SCGB2A1: variants seen among roughly 807,000 people sequenced by gnomAD.
SCGB2A1 encodes secretoglobin family 2A member 1, also known as mammaglobin-B.
In SCGB2A1, 6 loss-of-function variants were observed where a neutral mutation model predicts 9.2. That is an observed-to-expected ratio of 0.66 (90% CI 0.36 to 1.29). The LOEUF is 1.29. SCGB2A1 is among the 50% of genes most tolerant of loss of function. The probability of loss-of-function intolerance (pLI) is 0.03; values close to 1 mark genes in which losing one functional copy is unlikely to be tolerated. For synonymous variants in SCGB2A1, 37 were observed against 41.0 expected, an observed-to-expected ratio of 0.90 and a Z score of 0.37; for missense variants, 138 against 116.9, an observed-to-expected ratio of 1.18 and a Z score of -0.83.
intron 2 of SCGB2A1, among the ~76,000 whole-genome samples, chr11:62,213,106 A>ATATATATTTTTTTTTTTTTT (rs67975205): frequency 8.6e-6 from 1 of 116,252 alleles, no homozygotes; most frequent in African/African-American, 3.4e-5. Context: ...ATATATATAT[A>ATATATATTTTTTTTTTTTTT]TTTTTTTTTT....
chr11:62,210,278 C>A, intron 1 of SCGB2A1, 135 bp from the exon 2 acceptor site: 1 of 1,119,534 alleles, frequency 8.9e-7, no homozygotes, highest in Non-Finnish European at 1.2e-6. Context: ...CATACTGCAC[C>A]AAAATCTTTC....
intron 1 of SCGB2A1, among the ~76,000 whole-genome samples, chr11:62,209,026 C>T (rs556713537): frequency 2.0e-5 from 3 of 152,206 alleles, no homozygotes; most frequent in African/African-American, 7.2e-5. Context: ...ACCATGGTCA[C>T]GGTGACCATA....
chr11:62,209,955 G>A lies in SCGB2A1; in HGVS notation c.56-458G>A, dbSNP rs1301524741. Among the ~76,000 whole-genome samples, 8 of 152,094 alleles carry A rather than the reference G, an allele frequency of 5.3e-5. No individual in the cohort carries two copies. The East Asian group carries it at 1.2e-3, about 22-fold the overall frequency. On this transcript the variant is annotated intron_variant, in intron 1 of 2. Transcript: ENST00000244930. The stretch of plus-strand genomic sequence containing the variant: ...CTCCCTAAGTGCTGGGATTACAGGC[G>A]TGAGCCACCATACCTGGCCACACAT...
chr11:62,208,819 C>G, intron 1 of SCGB2A1, 33 bp downstream of exon 1: 1 of 1,606,196 alleles, frequency 6.2e-7, no homozygotes, highest in East Asian at 2.2e-5. Context: ...TGCTTCTGGG[C>G]TAGGAATTGT....
chr11:62,210,328 C>G, intron 1 of SCGB2A1, 85 bp from the exon 2 acceptor site: 1 of 1,486,386 alleles, frequency 6.7e-7, no homozygotes, highest in Non-Finnish European at 8.9e-7. Context: ...AGATAGCCAG[C>G]TTCCCAATTC....
chr11:62,213,828 G>A lies in SCGB2A1; in HGVS notation c.*58G>A. ...AGACTATGGCCAGAACTCATCTGTT[G>A]ATTGCTAGAAACCACTTTTCTTTCT... On this transcript the variant is annotated 3_prime_UTR_variant, in exon 3 of 3. Transcript: ENST00000244930. 6.9e-7 allele frequency: 1 copy of A among 1,450,036 alleles called. No homozygotes were observed. Among genetic ancestry groups the A allele is most frequent in the South Asian group, 1.2e-5 (1 of 81,732 alleles). The allele number at this position is 1,450,036 out of a possible 1,614,324, so 89.8% of individuals were successfully genotyped here.
chr11:62,213,019 T>TGTACAC (rs1402576773), intron 2 of SCGB2A1, among the ~76,000 whole-genome samples: 1 of 140,144 alleles, frequency 7.1e-6, no homozygotes, highest in African/African-American at 2.8e-5. Flanking sequence ...TATGCACATA[T>TGTACAC]ATACATATAT....
chr11:62,213,106 A>ATATTTTTTTTTTT (rs67975205), intron 2 of SCGB2A1, among the ~76,000 whole-genome samples: 1 of 116,250 alleles, frequency 8.6e-6, no homozygotes. Flanking sequence ...ATATATATAT[A>ATATTTTTTTTTTT]TTTTTTTTTT....
intron 2 of SCGB2A1, among the ~76,000 whole-genome samples, chr11:62,211,497 T>C (rs924365588): frequency 9.2e-5 from 14 of 152,132 alleles, no homozygotes; most frequent in Non-Finnish European, 2.1e-4. Context: ...CCTCCTGGGA[T>C]CAAGCAATTC....
intron 2 of SCGB2A1, among the ~76,000 whole-genome samples, chr11:62,212,932 A>G (rs892219062): frequency 0.015 from 2,082 of 141,104 alleles, 91 homozygotes; most frequent in African/African-American, 0.048. Context: ...ACACACATAT[A>G]TACACACATA....
intron 1 of SCGB2A1, 32 bp from the exon 2 acceptor site, chr11:62,210,381 T>G (rs1479176052): frequency 1.3e-6 from 2 of 1,518,444 alleles, no homozygotes; most frequent in African/African-American, 1.5e-5. Flanking sequence ...CCCATGTTCT[T>G]GTGTCTTTTT....
intron 2 of SCGB2A1, among the ~76,000 whole-genome samples, chr11:62,213,059 TACAC>T (rs56700815): frequency 8.4e-6 from 1 of 119,010 alleles, no homozygotes; most frequent in African/African-American, 3.7e-5. Flanking sequence ...TACACATATA[TACAC>T]ATATATACAT....
At chr11:62,209,897 A>G (rs902904995) in intron 1 of SCGB2A1, among the ~76,000 whole-genome samples, 2 of 151,328 alleles carry the variant, frequency 1.3e-5, no homozygotes, top group African/African-American at 4.9e-5. Flanking sequence ...CTGGTCTTAA[A>G]CTCCTGAGCT....
Position 62,213,875 on chromosome 11 carries a change from A to G in SCGB2A1, c.*105A>G. 1.1e-6 allele frequency: 1 copy of G among 909,978 alleles called. No homozygotes were observed. Among genetic ancestry groups the G allele is most frequent in the African/African-American group, 1.7e-5 (1 of 59,826 alleles). 56.4% of individuals were successfully genotyped at this position (909,978 alleles called of 1,614,324 possible). ...TTCTTGTGTTGTCTTTTTATGTGGAAACTGCTAGACAACTGTTGAAACCTC... is the reference window on the plus strand; with the variant it reads ...TTCTTGTGTTGTCTTTTTATGTGGAGACTGCTAGACAACTGTTGAAACCTC... On this transcript the variant is annotated 3_prime_UTR_variant, in exon 3 of 3. Transcript: ENST00000244930.
rs771235896 is a variant in SCGB2A1 at position 62,213,765 on chromosome 11, A to G, written c.283A>G (p.Asn95Asp). The G allele has an allele frequency of 6.2e-7, 1 of 1,613,904 alleles. No homozygotes were observed. The highest frequency in any genetic ancestry group is 8.5e-7 in the Non-Finnish European group (1 of 1,179,908). ...CAGCATTTGGTGTAATATGAAGAGT[A>G]ATTAACTTTACCCAAGGCGTTTGGC... ...YDSIWCNMKS[N>D] Residue 95 changes from asparagine (N) to aspartate (D), a missense_variant, in exon 3 of 3, where the codon AAT becomes GAT. By Grantham distance (23) the Asn-to-Asp change is conservative. Coordinates refer to ENST00000244930, the MANE Select transcript of SCGB2A1 (RefSeq NM_002407.3).
intron 2 of SCGB2A1, among the ~76,000 whole-genome samples, chr11:62,212,987 T>TGTAC (rs1565121343): frequency 7.0e-6 from 1 of 143,130 alleles, no homozygotes; most frequent in African/African-American, 2.8e-5. Context: ...TGTGCACATA[T>TGTAC]ACATGCATAT....
At position 62,210,504 on chromosome 11, in the gene SCGB2A1, C is replaced by G. The variant is rs1944820811; in HGVS notation, c.147C>G (p.Phe49Leu). The G allele has an allele frequency of 6.3e-7, 1 of 1,590,652 alleles. No individual in the cohort carries two copies. The highest frequency in any genetic ancestry group is 1.7e-5 in the Admixed American group (1 of 57,300). ...AATACAAAGAGCTTCTTCAAGAGTTCATAGACAGTGATGCCGCTGCAGAGG... is the reference window on the plus strand; with the variant it reads ...AATACAAAGAGCTTCTTCAAGAGTTGATAGACAGTGATGCCGCTGCAGAGG... Reference protein sequence around the residue: ...IPEYKELLQEFIDSDAAAEAM... With the variant: ...IPEYKELLQELIDSDAAAEAM... The change falls in exon 2 of 3, where the codon TTC becomes TTG. Residue 49 changes from phenylalanine (F) to leucine (L), a missense_variant. Physicochemically the swap from Phe to Leu is conservative, Grantham distance 22. Coordinates refer to ENST00000244930, the MANE Select transcript of SCGB2A1 (RefSeq NM_002407.3).
chr11:62,210,563 A>G lies in SCGB2A1; in HGVS notation c.206A>G (p.Gln69Arg), dbSNP rs756776566. ...AAATTCAAGCAGTGTTTCCTCAACCAGTCACATAGAACTCTGAAAAACTTT... is the reference window on the plus strand; with the variant it reads ...AAATTCAAGCAGTGTTTCCTCAACCGGTCACATAGAACTCTGAAAAACTTT... ...MGKFKQCFLN[Q>R]SHRTLKNFGL... Residue 69 changes from glutamine to arginine, a missense_variant, in exon 2 of 3, where the codon CAG (glutamine) becomes CGG (arginine). Coordinates refer to ENST00000244930, the MANE Select transcript of SCGB2A1 (RefSeq NM_002407.3). The G allele has an allele frequency of 4.5e-6, 7 of 1,572,674 alleles. No individual in the cohort carries two copies. Among genetic ancestry groups the G allele is most frequent in the Non-Finnish European group, 6.0e-6 (7 of 1,167,244 alleles).
intron 2 of SCGB2A1, among the ~76,000 whole-genome samples, chr11:62,211,521 T>A (rs1410873273): frequency 6.6e-6 from 1 of 152,126 alleles, no homozygotes; most frequent in Non-Finnish European, 1.5e-5. Flanking sequence ...TGCCTCAGAC[T>A]CTCAGGTAGC....
Sources: gnomAD v4.1 joint callset for allele counts (sites outside exome capture counted in the v4.1 genomes callset) on GRCh38, gnomAD v4.1.1 for gene constraint, MANE v1.5 for transcripts, NCBI Gene and HGNC (gene_info 2026-07-23, HGNC 2026-07-21) for gene names.